The following ADAMTSL1 variants were observed in gnomAD, a reference collection of about 807,000 sequenced individuals.
The protein encoded by ADAMTSL1 is ADAMTS-like protein 1.
A neutral mutation model predicts 201.8 loss-of-function variants in ADAMTSL1; 126 were observed. That is an observed-to-expected ratio of 0.62 (90% CI 0.54 to 0.72). The LOEUF is 0.72. Ranked by LOEUF, ADAMTSL1 falls within the 30% of genes least tolerant of loss-of-function variation. The pLI, the probability that ADAMTSL1 is intolerant of heterozygous loss-of-function variation, is 0.00. For synonymous variants in ADAMTSL1, 1,121 were observed against 903.4 expected (o/e 1.24, Z -4.32); for missense variants, 2,679 against 2,277.8 (o/e 1.18, Z -3.59).
At chr9:18,252,722 C>A (rs1335072917) in intron 2 of ADAMTSL1, among the ~76,000 whole-genome samples, 1 of 152,004 alleles carries the variant, frequency 6.6e-6, no homozygotes. Context: ...ATCATACTAG[C>A]AAAACTTCAA....
At chr9:18,813,765 A>G (rs938131888) in intron 20 of ADAMTSL1, among the ~76,000 whole-genome samples, 3 of 152,232 alleles carry the variant, frequency 2.0e-5, no homozygotes, top group Non-Finnish European at 4.4e-5. Context: ...AAACAAGGAC[A>G]GTATAACTTT....
chr9:18,840,214 A>G (rs1049573468), intron 23 of ADAMTSL1, among the ~76,000 whole-genome samples: 3 of 151,828 alleles, frequency 2.0e-5, no homozygotes, highest in Non-Finnish European at 4.4e-5. Context: ...ATTTTTGTAT[A>G]AGGTGTAAGG....
chr9:18,493,153 A>G (rs1445821873), intron 1 of ADAMTSL1, among the ~76,000 whole-genome samples: 2 of 152,208 alleles, frequency 1.3e-5, no homozygotes, highest in East Asian at 3.8e-4. Context: ...GAATTGCAAT[A>G]TTTAGTTTTA....
chr9:17,967,631 GTT>G (rs377002975), intron 1 of ADAMTSL1, among the ~76,000 whole-genome samples: 1 of 151,950 alleles, frequency 6.6e-6, no homozygotes, highest in East Asian at 1.9e-4. Flanking sequence ...TAGTCTTTTA[GTT>G]TTTTTGTCAT....
At chr9:18,497,313 C>T (rs1822580221) in intron 1 of ADAMTSL1, among the ~76,000 whole-genome samples, 1 of 150,132 alleles carries the variant, frequency 6.7e-6, no homozygotes, top group African/African-American at 2.4e-5. Context: ...CTACAGGATA[C>T]AGTTCTCCTG....
intron 1 of ADAMTSL1, among the ~76,000 whole-genome samples, chr9:17,990,542 A>G (rs1819112122): frequency 6.6e-6 from 1 of 152,070 alleles, no homozygotes; most frequent in Non-Finnish European, 1.5e-5. Context: ...TATGTATCGA[A>G]ATATAAGTCA....
chr9:18,678,839 A>C (rs1009173802), intron 10 of ADAMTSL1, among the ~76,000 whole-genome samples: 1 of 152,262 alleles, frequency 6.6e-6, no homozygotes. Flanking sequence ...ATTTATGTGG[A>C]GACAAAGGAG....
chr9:17,966,651 C>G (rs552915081), intron 1 of ADAMTSL1, among the ~76,000 whole-genome samples: 1 of 152,134 alleles, frequency 6.6e-6, no homozygotes, highest in Non-Finnish European at 1.5e-5. Flanking sequence ...TCCCCTTCAT[C>G]TCTTTATTTC....
chr9:18,239,683 G>T (rs1363192690), intron 2 of ADAMTSL1, among the ~76,000 whole-genome samples: 4 of 152,096 alleles, frequency 2.6e-5, no homozygotes, highest in South Asian at 4.1e-4. Flanking sequence ...AAGAGGCAGG[G>T]GTTGCAGTGA....
chr9:18,546,347 T>C (rs779495611), intron 3 of ADAMTSL1, among the ~76,000 whole-genome samples: 7 of 152,122 alleles, frequency 4.6e-5, no homozygotes, highest in Non-Finnish European at 8.8e-5. Flanking sequence ...GGATCTTGCC[T>C]GTCCCCCAGG....
chr9:18,221,033 C>T (rs1830238376), intron 2 of ADAMTSL1, among the ~76,000 whole-genome samples: 1 of 152,078 alleles, frequency 6.6e-6, no homozygotes, highest in African/African-American at 2.4e-5. Flanking sequence ...CTTTGGCCTC[C>T]CAAAGTTCGG....
chr9:18,451,865 A>C (rs972531592), intron 2 of ADAMTSL1, among the ~76,000 whole-genome samples: 1 of 152,230 alleles, frequency 6.6e-6, no homozygotes, highest in African/African-American at 2.4e-5. Flanking sequence ...ATGGTGGAAG[A>C]TGCAAAGGCA....
At chr9:18,663,254 C>T (rs954373322) in intron 9 of ADAMTSL1, among the ~76,000 whole-genome samples, 2 of 151,796 alleles carry the variant, frequency 1.3e-5, no homozygotes, top group African/African-American at 4.8e-5. Context: ...AACCATATTC[C>T]CTACCTCATA....
rs139332733 is a variant in ADAMTSL1 at position 18,853,918 on chromosome 9, T to TGTGTGCGC, written c.4249+23942_4249+23943insTGTGCGCG. On this transcript the variant is annotated intron_variant, in intron 23 of 28. Coordinates refer to ENST00000380548, the MANE Select transcript of ADAMTSL1 (RefSeq NM_001040272.6). ...GTGTGTGTGTGTGTGTGTGTGTGTG[T>TGTGTGCGC]GCGCGTGCATGCAAATAGTTGATTA... Among the ~76,000 whole-genome samples the TGTGTGCGC allele has an allele frequency of 3.2e-3, 468 of 145,482 alleles. 4 individuals carry two copies. Among genetic ancestry groups the TGTGTGCGC allele is most frequent in the African/African-American group, 8.0e-3 (322 of 40,044 alleles).
At chr9:18,319,421 C>G (rs992972257) in intron 2 of ADAMTSL1, among the ~76,000 whole-genome samples, 3 of 152,126 alleles carry the variant, frequency 2.0e-5, no homozygotes, top group African/African-American at 7.2e-5. Context: ...CTGTTATTAT[C>G]AATAACTTCA....
At chr9:18,273,098 C>T (rs535405165) in intron 2 of ADAMTSL1, among the ~76,000 whole-genome samples, 1 of 152,166 alleles carries the variant, frequency 6.6e-6, no homozygotes, top group South Asian at 2.1e-4. Context: ...TATTTTATAC[C>T]TTGTGGAGTC....
intron 4 of ADAMTSL1, among the ~76,000 whole-genome samples, chr9:18,598,212 C>T (rs1409547468): frequency 6.6e-6 from 1 of 152,154 alleles, no homozygotes; most frequent in Admixed American, 6.5e-5. Flanking sequence ...GAGAAATTAT[C>T]AGCTGAATCT....
chr9:18,466,523 A>G (rs986339818), intron 2 of ADAMTSL1, among the ~76,000 whole-genome samples: 2 of 152,212 alleles, frequency 1.3e-5, no homozygotes, highest in African/African-American at 4.8e-5. Context: ...CAAAAAAATC[A>G]TAAGTATATG....
At chr9:18,158,147 G>A (rs1827235201) in intron 1 of ADAMTSL1, among the ~76,000 whole-genome samples, 1 of 151,952 alleles carries the variant, frequency 6.6e-6, no homozygotes, top group Admixed American at 6.6e-5. Context: ...AGGTTTGGGT[G>A]TGTTTGAGTG....
Sources: allele counts gnomAD v4.1 joint callset (sites outside exome capture counted in the v4.1 genomes callset), GRCh38; gene constraint gnomAD v4.1.1; transcripts MANE v1.5; gene names NCBI Gene and HGNC (gene_info 2026-07-23, HGNC 2026-07-21).